Variants in TMTC2 observed in about 807,000 individuals in gnomAD.
TMTC2 encodes transmembrane O-mannosyltransferase targeting cadherins 2.
TMTC2 carries 43 observed loss-of-function variants against 82.4 expected under a neutral mutation model. The observed-to-expected ratio is 0.52, with a 90% CI of 0.41 to 0.67. The LOEUF (loss-of-function observed/expected upper bound fraction) is 0.67, where lower values mean the gene tolerates loss of function less well. Among genes scored for constraint, TMTC2 ranks in the 30% least tolerant of loss-of-function variants. The pLI is 0.00. For synonymous variants in TMTC2, 408 were observed against 381.9 expected (o/e 1.07, Z -0.80); for missense variants, 919 against 1,012.4 (o/e 0.91, Z 1.25).
chr12:82,956,788 A>G (rs1413006705), intron 4 of TMTC2, among the ~76,000 whole-genome samples: 2 of 152,256 alleles, frequency 1.3e-5, no homozygotes, highest in East Asian at 3.9e-4. Context: ...ATAAGTAAAA[A>G]AAGTACAAAG....
intron 2 of TMTC2, among the ~76,000 whole-genome samples, chr12:82,860,708 TA>T (rs1871498035): frequency 6.6e-6 from 1 of 152,234 alleles, no homozygotes; most frequent in African/African-American, 2.4e-5. Context: ...TTTGATTCTT[TA>T]TCTTTTGGCC....
chr12:83,019,158 TAAA>T (rs11293297), intron 8 of TMTC2, among the ~76,000 whole-genome samples: 2 of 151,636 alleles, frequency 1.3e-5, no homozygotes, highest in East Asian at 1.9e-4. Context: ...TAAACTAAAC[TAAA>T]AAAAAAAAAC....
intron 11 of TMTC2, among the ~76,000 whole-genome samples, chr12:83,062,939 AC>A (rs1882794931): frequency 6.6e-6 from 1 of 151,806 alleles, no homozygotes; most frequent in African/African-American, 2.4e-5. Context: ...GGGCAAAAAA[AC>A]ATATCTTTTT....
At chr12:82,988,790 TACATTTAGAGGTC>T in intron 8 of TMTC2, among the ~76,000 whole-genome samples, 1 of 149,692 alleles carries the variant, frequency 6.7e-6, no homozygotes, top group African/African-American at 2.5e-5. Flanking sequence ...TTCAAATACC[TACATTTAGAGGTC>T]CCCTGTAAAT....
intron 2 of TMTC2, among the ~76,000 whole-genome samples, chr12:82,895,423 T>G (rs867937321): frequency 1.9e-4 from 29 of 152,246 alleles, no homozygotes; most frequent in Middle Eastern, 3.4e-3. Context: ...AAGACAACAG[T>G]TATTAGGTGC....
At chr12:82,735,551 T>A (rs945176562) in intron 1 of TMTC2, among the ~76,000 whole-genome samples, 10 of 151,920 alleles carry the variant, frequency 6.6e-5, no homozygotes, top group African/African-American at 1.9e-4. Context: ...TTCACTGTGT[T>A]AGCCAGGATG....
intron 4 of TMTC2, among the ~76,000 whole-genome samples, chr12:82,956,722 A>G (rs929242654): frequency 4.6e-5 from 7 of 152,094 alleles, no homozygotes; most frequent in Non-Finnish European, 1.0e-4. Flanking sequence ...CCAAAATACT[A>G]GGATTACAGG....
In TMTC2 at chr12:82,879,434, T is replaced by C. The variant is rs567618323; in HGVS notation, c.655-16384T>C. On this transcript the variant is annotated intron_variant, in intron 2 of 11. Transcript: ENST00000321196. ...GATCCCTCGCATGTGCAGTTCACAA[T>C]AGGGTTCCAGCTCCTGTGAGAATCT... 3.9e-5 allele frequency among the ~76,000 whole-genome samples: 6 copies of C among 152,312 alleles called. No homozygotes were observed. In the South Asian group the frequency reaches 1.2e-3, roughly 32 times the overall value.
chr12:82,768,390 T>A (rs1475538632), intron 1 of TMTC2, among the ~76,000 whole-genome samples: 7 of 152,222 alleles, frequency 4.6e-5, no homozygotes, highest in African/African-American at 1.7e-4. Context: ...AGAACACTTC[T>A]GATTTTCTGC....
Position 82,787,702 on chromosome 12 carries a change from A to T in TMTC2, c.84-69308A>T, listed in dbSNP as rs527787102. The stretch of plus-strand genomic sequence containing the variant: ...GGTGGGTGGATCACACGAGGTCAGG[A>T]GTTTGAGACCAGCCTGGCCAGCATG... On this transcript the variant is annotated intron_variant, in intron 1 of 11. Coordinates refer to ENST00000321196, the MANE Select transcript of TMTC2 (RefSeq NM_152588.3). Among the ~76,000 whole-genome samples, 48 of 152,186 alleles carry T rather than the reference A, an allele frequency of 3.2e-4. 1 individual carries two copies. The South Asian group carries it at 9.9e-3, about 31-fold the overall frequency.
At chr12:83,011,474 C>T (rs1880456706) in intron 8 of TMTC2, among the ~76,000 whole-genome samples, 1 of 152,282 alleles carries the variant, frequency 6.6e-6, no homozygotes, top group Non-Finnish European at 1.5e-5. Context: ...TAACCATTAG[C>T]AGTAAGAATG....
intron 11 of TMTC2, among the ~76,000 whole-genome samples, chr12:83,107,402 T>C (rs1362917787): frequency 6.6e-6 from 1 of 152,188 alleles, no homozygotes; most frequent in African/African-American, 2.4e-5. Flanking sequence ...GTCTTCTTGC[T>C]GCATCATAAC....
chr12:82,730,941 A>C (rs1874770902), intron 1 of TMTC2, among the ~76,000 whole-genome samples: 1 of 152,248 alleles, frequency 6.6e-6, no homozygotes, highest in African/African-American at 2.4e-5. Flanking sequence ...CACATGGAAA[A>C]CTATTGGATT....
intron 2 of TMTC2, among the ~76,000 whole-genome samples, chr12:82,889,864 T>A (rs1473368890): frequency 1.3e-5 from 2 of 152,152 alleles, no homozygotes; most frequent in Non-Finnish European, 2.9e-5. Flanking sequence ...TACCATGATT[T>A]TTTTATTACC....
chr12:83,030,157 G>A (rs893659609), intron 8 of TMTC2, among the ~76,000 whole-genome samples: 3 of 152,128 alleles, frequency 2.0e-5, no homozygotes, highest in African/African-American at 4.8e-5. Context: ...GGGTGCAAAG[G>A]ATGGCTGTCT....
intron 9 of TMTC2, 90 bp downstream of exon 9, chr12:83,030,969 A>G (rs1188234562): frequency 1.0e-6 from 1 of 956,348 alleles, no homozygotes; most frequent in Non-Finnish European, 1.7e-6. Flanking sequence ...AGAACATTTT[A>G]AGAGGAGATG....
At position 82,975,889 on chromosome 12, in the gene TMTC2, CT is replaced by C. The variant is rs755150255; in HGVS notation, c.1948+8900del. Among the ~76,000 whole-genome samples, 573 of 105,040 alleles carry C rather than the reference CT, an allele frequency of 5.5e-3. 3 individuals carry two copies. Among genetic ancestry groups the C allele is most frequent in the African/African-American group, 0.018 (550 of 30,738 alleles). 68.9% of individuals were successfully genotyped at this position (105,040 alleles called of 152,430 possible). ...TCTTTTTTCCTTTCTCTGGTATAAA[CT>C]TTTTTTTAAAAAAAAAATAATGCTA... On this transcript the variant is annotated intron_variant, in intron 7 of 11. Transcript: ENST00000321196.
rs1240222917 is a variant in TMTC2 at position 83,035,462 on chromosome 12, C to T, written c.2152+4583C>T. On this transcript the variant is annotated intron_variant, in intron 9 of 11. Coordinates refer to ENST00000321196, the MANE Select transcript of TMTC2 (RefSeq NM_152588.3). ...GAAAAGTGAAAGATTGACATGGACT[C>T]CAAAAATGTTTTCTAGTACTCCGAT... 2.0e-5 allele frequency among the ~76,000 whole-genome samples: 3 copies of T among 152,056 alleles called. No individual in the cohort carries two copies. In the East Asian group the frequency reaches 5.8e-4, roughly 29 times the overall value.
chr12:82,779,209 A>C (rs1877767681), intron 1 of TMTC2, among the ~76,000 whole-genome samples: 1 of 151,978 alleles, frequency 6.6e-6, no homozygotes, highest in South Asian at 2.1e-4. Flanking sequence ...GAAATGGTTG[A>C]GCGTGTGCTA....
Sources: allele counts gnomAD v4.1 joint callset (sites outside exome capture counted in the v4.1 genomes callset), GRCh38; gene constraint gnomAD v4.1.1; transcripts MANE v1.5; gene names NCBI Gene and HGNC (gene_info 2026-07-23, HGNC 2026-07-21).